The following PATE1 variants were observed in gnomAD, a reference collection of about 807,000 sequenced individuals.
The protein encoded by PATE1 is prostate and testis expressed protein 1.
A neutral mutation model predicts 13.1 loss-of-function variants in PATE1; 21 were observed. The observed-to-expected ratio is 1.61, with a 90% confidence interval of 1.14 to 2.31. PATE1 has a LOEUF of 2.31. Ranked by LOEUF, PATE1 falls within the 30% of genes most tolerant of loss-of-function variation. PATE1 has a pLI of 0.00. For missense variants in PATE1, 166 were observed against 147.2 expected, an observed-to-expected ratio of 1.13 and a Z score of -0.66; for synonymous variants, 52 against 47.1, an observed-to-expected ratio of 1.10 and a Z score of -0.43.
rs780013020 is a variant in PATE1 at position 125,748,774 on chromosome 11, T to C, written c.*41T>C. ...CTGTGACTCCAATTTCTGGGTGAGGTTGTTGCCTCAGCCTCTTCACAATGA... is the reference window on the plus strand; with the variant it reads ...CTGTGACTCCAATTTCTGGGTGAGGCTGTTGCCTCAGCCTCTTCACAATGA... On this transcript the variant is annotated 3_prime_UTR_variant, in exon 5 of 5. Coordinates refer to ENST00000305738, the MANE Select transcript of PATE1 (RefSeq NM_138294.3). The C allele has an allele frequency of 3.7e-6, 6 of 1,606,288 alleles. No individual in the cohort carries two copies. Among genetic ancestry groups the C allele is most frequent in the Middle Eastern group, 3.3e-4 (2 of 6,008 alleles).
Position 125,747,416 on chromosome 11 carries a change from G to A in PATE1, c.124+5G>A. The A allele has an allele frequency of 6.2e-7, 1 of 1,611,462 alleles. No homozygotes were observed. Among genetic ancestry groups the A allele is most frequent in the South Asian group, 1.1e-5 (1 of 91,020 alleles). The stretch of plus-strand genomic sequence containing the variant: ...CTGTGAAAAACAATTTTCCTGGTAA[G>A]TATGAAGAGGACCTGTCTGATCACC... On this transcript the variant is annotated splice_donor_5th_base_variant and intron_variant, in intron 3 of 4. Coordinates refer to ENST00000305738, the MANE Select transcript of PATE1 (RefSeq NM_138294.3).
At chr11:125,746,608 G>C (rs1383337418) in intron 1 of PATE1, 53 bp from the exon 2 acceptor site, 2 of 1,597,182 alleles carry the variant, frequency 1.3e-6, no homozygotes, top group Admixed American at 1.7e-5. Context: ...GCTTTGAGAT[G>C]GGGTTTGGAA....
chr11:125,747,224 T>G (rs1301378205), intron 2 of PATE1, 152 bp from the exon 3 acceptor site: 1 of 682,068 alleles, frequency 1.5e-6, no homozygotes, highest in African/African-American at 1.8e-5. Flanking sequence ...AGATGCCCAG[T>G]AGGTGACTAG....
chr11:125,747,627 C>A, intron 3 of PATE1, 73 bp from the exon 4 acceptor site: 1 of 1,593,348 alleles, frequency 6.3e-7, no homozygotes, highest in Non-Finnish European at 8.5e-7. Context: ...GACTTCTAAC[C>A]CAAAAGGGGA....
rs1943314527 is a variant in PATE1, at chr11:125,749,836, AT to A, written c.*1104del. On this transcript the variant is annotated 3_prime_UTR_variant, in exon 5 of 5. Coordinates refer to ENST00000305738, the MANE Select transcript of PATE1 (RefSeq NM_138294.3). ...ATTATATAAAAATAATAATAAAAAT[AT>A]AAAGAAAGCTACCTTTCTTCTATAC... 6.6e-6 allele frequency: 1 copy of A among 151,852 alleles called. No individual in the cohort carries two copies. The highest frequency in any genetic ancestry group is 2.4e-5 in the African/African-American group (1 of 41,390). The allele number at this position is 151,852 out of a possible 1,614,324, so 9.4% of individuals were successfully genotyped here. A position where few individuals can be genotyped will look rare whatever the true frequency, so the allele number is the denominator to read the frequency against.
At chr11:125,746,439 G>T in intron 1 of PATE1, 83 bp downstream of exon 1, 1 of 1,468,608 alleles carries the variant, frequency 6.8e-7, no homozygotes, top group Non-Finnish European at 9.5e-7. Context: ...CTTCTCATGG[G>T]AGTCCTATGG....
At chr11:125,746,720 A>G in intron 2 of PATE1, 24 bp downstream of exon 2, 3 of 1,612,818 alleles carry the variant, frequency 1.9e-6, no homozygotes, top group Non-Finnish European at 2.5e-6. Flanking sequence ...GATAAGTGGT[A>G]TGAGAAGGGG....
In PATE1 at chr11:125,748,602, GATGGTA is replaced by G. The variant is rs776965087; in HGVS notation, c.253_258del (p.Gly85_Asn86del). ...TCTGTTTTTTCTCCCCTCCACAGGG[GATGGTA>G]ATCCCTGGTTAACCTTCATGGGCTG... On this transcript the variant is annotated inframe_deletion, in exon 5 of 5. Transcript: ENST00000305738. 1.9e-6 allele frequency: 3 copies of G among 1,613,422 alleles called. No individual in the cohort carries two copies. In the South Asian group the frequency reaches 3.3e-5, roughly 18 times the overall value.
intron 3 of PATE1, 85 bp downstream of exon 3, chr11:125,747,496 C>G (rs1200198328): frequency 1.5e-5 from 22 of 1,458,156 alleles, no homozygotes; most frequent in Non-Finnish European, 2.0e-5. Flanking sequence ...TTTCCCCTCC[C>G]ATTTTTCAGG....
chr11:125,748,851 C>G lies in PATE1; in HGVS notation c.*118C>G. 7.9e-7 allele frequency: 1 copy of G among 1,267,510 alleles called. No homozygotes were observed. Among genetic ancestry groups the G allele is most frequent in the Non-Finnish European group, 1.1e-6 (1 of 929,184 alleles). 78.5% of individuals were successfully genotyped at this position (1,267,510 alleles called of 1,614,324 possible). A position where few individuals can be genotyped will look rare whatever the true frequency, so the allele number is the denominator to read the frequency against. On this transcript the variant is annotated 3_prime_UTR_variant, in exon 5 of 5. Coordinates refer to ENST00000305738, the MANE Select transcript of PATE1 (RefSeq NM_138294.3). Reference sequence around the variant, plus strand: ...ACACACACACTACAGAAGAGGATTGCAAACACATGGCTCCATCTTCTGCAC... The same window carrying G: ...ACACACACACTACAGAAGAGGATTGGAAACACATGGCTCCATCTTCTGCAC...
At chr11:125,748,515 T>G in intron 4 of PATE1, 85 bp from the exon 5 acceptor site, 2 of 1,447,798 alleles carry the variant, frequency 1.4e-6, no homozygotes, top group Non-Finnish European at 1.9e-6. Context: ...AGATTATTTC[T>G]ATATGTTGGT....
Position 125,748,744 on chromosome 11 carries a change from T to C in PATE1, c.*11T>C. On this transcript the variant is annotated 3_prime_UTR_variant, in exon 5 of 5. Transcript: ENST00000305738. ...AATGAAGACCTTTAGAAGTTAATGGTTCTTCTGTGACTCCAATTTCTGGGT... is the reference window on the plus strand; with the variant it reads ...AATGAAGACCTTTAGAAGTTAATGGCTCTTCTGTGACTCCAATTTCTGGGT... 1 of 1,609,270 alleles carries C rather than the reference T, an allele frequency of 6.2e-7. No individual in the cohort carries two copies.
At chr11:125,746,593 TAGA>T in intron 1 of PATE1, 65 bp from the exon 2 acceptor site, 4 of 1,574,798 alleles carry the variant, frequency 2.5e-6, no homozygotes, top group Non-Finnish European at 3.5e-6. Flanking sequence ...TGGATGTTCA[TAGA>T]AGCTTTGAGA....
chr11:125,746,403 C>G (rs1943272307), intron 1 of PATE1, 47 bp downstream of exon 1: 7 of 1,585,808 alleles, frequency 4.4e-6, no homozygotes, highest in Non-Finnish European at 5.2e-6. Flanking sequence ...AATTTAGGAA[C>G]AGGTGAGAGC....
At chr11:125,748,045 C>A in intron 4 of PATE1, 1 of 583,676 alleles carries the variant, frequency 1.7e-6, no homozygotes, top group Non-Finnish European at 2.9e-6. Flanking sequence ...TTTTGAGAAG[C>A]CTGAAGAAAA....
intron 4 of PATE1, 152 bp from the exon 5 acceptor site, chr11:125,748,448 C>A: frequency 1.0e-6 from 1 of 975,040 alleles, no homozygotes; most frequent in Non-Finnish European, 1.5e-6. Flanking sequence ...GGGAAGCCCC[C>A]AGCTTGCAAC....
Position 125,748,965 on chromosome 11 carries a change from C to A in PATE1, c.*232C>A. The A allele has an allele frequency of 2.2e-6, 1 of 459,922 alleles. No homozygotes were observed. The highest frequency in any genetic ancestry group is 3.8e-6 in the Non-Finnish European group (1 of 266,314). 28.5% of individuals were successfully genotyped at this position (459,922 alleles called of 1,614,324 possible). ...ATAACCTTGAGAGAAAGAACAAGATCAATATATCCTGCAGGTTGCTACAAA... is the reference window on the plus strand; with the variant it reads ...ATAACCTTGAGAGAAAGAACAAGATAAATATATCCTGCAGGTTGCTACAAA... On this transcript the variant is annotated 3_prime_UTR_variant, in exon 5 of 5. Transcript: ENST00000305738.
At position 125,748,703 on chromosome 11, in the gene PATE1, G is replaced by A; in HGVS notation, c.351G>A (p.Arg117=). Reference sequence around the variant, plus strand: ...ATTTGGTGAACTTCAGGTGCTGCAGGAGCCATGACCTGTGCAATGAAGACC... The same window carrying A: ...ATTTGGTGAACTTCAGGTGCTGCAGAAGCCATGACCTGTGCAATGAAGACC... ...SVYLVNFRCC[R]SHDLCNEDL The change falls in exon 5 of 5, where the codon AGG becomes AGA. Residue 117 remains arginine, a synonymous_variant. Transcript: ENST00000305738. 6.2e-7 allele frequency: 1 copy of A among 1,613,864 alleles called. No homozygotes were observed.
rs1325933542 is a variant in PATE1 at position 125,748,670 on chromosome 11, G to T, written c.318G>T (p.Trp106Cys). 6.2e-7 allele frequency: 1 copy of T among 1,613,956 alleles called. No homozygotes were observed. Among genetic ancestry groups the T allele is most frequent in the Admixed American group, 1.7e-5 (1 of 60,002 alleles). ...GTGCTGATGTGAAAGGCATAAGGTGGAGTGTCTATTTGGTGAACTTCAGGT... is the reference window on the plus strand; with the variant it reads ...GTGCTGATGTGAAAGGCATAAGGTGTAGTGTCTATTTGGTGAACTTCAGGT... ...KNCADVKGIR[W>C]SVYLVNFRCC... The change falls in exon 5 of 5, where the codon TGG (tryptophan) becomes TGT (cysteine). Residue 106 changes from tryptophan to cysteine, a missense_variant. Trp to Cys is a radical substitution (Grantham distance 215). Coordinates refer to ENST00000305738, the MANE Select transcript of PATE1 (RefSeq NM_138294.3).
Sources: gnomAD v4.1 joint callset for allele counts on GRCh38, gnomAD v4.1.1 for gene constraint, MANE v1.5 for transcripts, NCBI Gene and HGNC (gene_info 2026-07-23, HGNC 2026-07-21) for gene names.